RBM47: variants seen among roughly 807,000 people sequenced by gnomAD.
The protein encoded by RBM47 is RNA-binding protein 47.
Under a neutral mutation model 47.1 loss-of-function variants are expected in RBM47, and 21 were observed. The ratio of observed to expected loss-of-function variants is 0.45; its 90% CI spans 0.32 to 0.64. The LOEUF (loss-of-function observed/expected upper bound fraction) is 0.64, where lower values mean the gene tolerates loss of function less well. Among genes scored for constraint, RBM47 ranks in the 30% least tolerant of loss-of-function variants. The probability of loss-of-function intolerance (pLI) is 0.05; values close to 1 mark genes in which losing one functional copy is unlikely to be tolerated. For missense variants in RBM47, 708 were observed against 870.9 expected, an observed-to-expected ratio of 0.81 and a Z score of 2.35; for synonymous variants, 375 against 361.7, an observed-to-expected ratio of 1.04 and a Z score of -0.42.
chr4:40,595,806 G>A (rs1010664235), intron 1 of RBM47, among the ~76,000 whole-genome samples: 2 of 151,952 alleles, frequency 1.3e-5, no homozygotes, highest in Admixed American at 6.6e-5. Flanking sequence ...TTGGGAGGCT[G>A]AGGCAGGAGA....
chr4:40,623,044 T>A (rs1300967761), intron 1 of RBM47, among the ~76,000 whole-genome samples: 1 of 152,230 alleles, frequency 6.6e-6, no homozygotes, highest in East Asian at 1.9e-4. Context: ...AGACCTTTCA[T>A]ACATGACCAG....
intron 1 of RBM47, among the ~76,000 whole-genome samples, chr4:40,623,943 C>G (rs909841275): frequency 3.3e-5 from 5 of 152,050 alleles, no homozygotes; most frequent in African/African-American, 1.2e-4. Flanking sequence ...CCTCCGCCTC[C>G]CGATCTCAAG....
intron 2 of RBM47, among the ~76,000 whole-genome samples, chr4:40,503,719 G>C (rs2154250917): frequency 6.6e-6 from 1 of 152,070 alleles, no homozygotes; most frequent in South Asian, 2.1e-4. Context: ...CCTAAGAGGG[G>C]GGAGAGAAGA....
At chr4:40,478,173 G>A (rs1159849379) in intron 2 of RBM47, among the ~76,000 whole-genome samples, 1 of 151,722 alleles carries the variant, frequency 6.6e-6, no homozygotes, top group African/African-American at 2.4e-5. Flanking sequence ...GCGCCACCAC[G>A]CCCGGATAAT....
intron 1 of RBM47, among the ~76,000 whole-genome samples, chr4:40,554,177 C>T (rs1265795246): frequency 6.6e-6 from 1 of 152,114 alleles, no homozygotes; most frequent in East Asian, 1.9e-4. Flanking sequence ...TTCAACTGAA[C>T]TGTACTTCCT....
intron 1 of RBM47, among the ~76,000 whole-genome samples, chr4:40,613,758 C>A (rs960094138): frequency 9.3e-5 from 14 of 150,786 alleles, no homozygotes; most frequent in Admixed American, 4.6e-4. Context: ...GAGTTCAAGA[C>A]CAGCCTGGAC....
At chr4:40,562,544 C>T (rs1730731550) in intron 1 of RBM47, among the ~76,000 whole-genome samples, 1 of 150,148 alleles carries the variant, frequency 6.7e-6, no homozygotes, top group Admixed American at 6.7e-5. Context: ...CGGCTCACTG[C>T]AACCTCTGCC....
chr4:40,577,539 TA>T (rs544850769), intron 1 of RBM47, among the ~76,000 whole-genome samples: 353 of 140,004 alleles, frequency 2.5e-3, no homozygotes, highest in Middle Eastern at 3.5e-3. Flanking sequence ...AGATTCTGTT[TA>T]AAAAAAAAAA....
intron 2 of RBM47, among the ~76,000 whole-genome samples, chr4:40,535,951 T>C (rs35961399): frequency 6.6e-6 from 1 of 152,046 alleles, no homozygotes; most frequent in Non-Finnish European, 1.5e-5. Flanking sequence ...TCCACCCGCC[T>C]TGGCCTCCCA....
intron 2 of RBM47, among the ~76,000 whole-genome samples, chr4:40,521,531 G>A (rs1726189185): frequency 6.6e-6 from 1 of 152,242 alleles, no homozygotes; most frequent in Non-Finnish European, 1.5e-5. Flanking sequence ...AATTCAAGTA[G>A]ATGTTTTAAA....
intron 1 of RBM47, among the ~76,000 whole-genome samples, chr4:40,612,536 A>G (rs2154279617): frequency 6.6e-6 from 1 of 152,308 alleles, no homozygotes; most frequent in African/African-American, 2.4e-5. Context: ...GAAGAAGTAT[A>G]GCTAGAAATT....
chr4:40,586,416 G>A (rs1202441394), intron 1 of RBM47, among the ~76,000 whole-genome samples: 1 of 151,828 alleles, frequency 6.6e-6, no homozygotes, highest in Non-Finnish European at 1.5e-5. Flanking sequence ...TTTTCTCCTG[G>A]GTGTGGAGTC....
At chr4:40,559,567 AAT>A (rs1730417721) in intron 1 of RBM47, among the ~76,000 whole-genome samples, 3 of 152,218 alleles carry the variant, frequency 2.0e-5, no homozygotes, top group African/African-American at 7.2e-5. Context: ...GTGTTGTTTA[AAT>A]ATAAAAGATT....
intron 1 of RBM47, among the ~76,000 whole-genome samples, chr4:40,625,019 T>C (rs1737613261): frequency 6.6e-6 from 1 of 152,192 alleles, no homozygotes; most frequent in Middle Eastern, 3.4e-3. Context: ...CTGGCTAATT[T>C]TTGTACTTTT....
chr4:40,476,956 C>T (rs1719695309), intron 2 of RBM47, among the ~76,000 whole-genome samples: 1 of 152,126 alleles, frequency 6.6e-6, no homozygotes. Context: ...CAGAATGGGC[C>T]GGGTGTGGTG....
intron 2 of RBM47, among the ~76,000 whole-genome samples, chr4:40,508,868 AAT>A (rs1268286263): frequency 1.3e-5 from 2 of 152,232 alleles, no homozygotes; most frequent in Non-Finnish European, 2.9e-5. Context: ...TATTTAAAAT[AAT>A]ATGTTTTCGG....
chr4:40,571,446 G>A (rs980527965), intron 1 of RBM47, among the ~76,000 whole-genome samples: 3 of 151,864 alleles, frequency 2.0e-5, no homozygotes, highest in Non-Finnish European at 4.4e-5. Context: ...ACTCATACCA[G>A]GATAAGTCCT....
intron 3 of RBM47, among the ~76,000 whole-genome samples, chr4:40,450,186 G>A (rs948075605): frequency 5.9e-5 from 9 of 152,128 alleles, no homozygotes; most frequent in Admixed American, 3.3e-4. Context: ...TGAGGGATCT[G>A]GCAAGGAACA....
intron 3 of RBM47, among the ~76,000 whole-genome samples, chr4:40,457,422 CAA>C (rs35497838): frequency 2.9e-4 from 32 of 111,572 alleles, no homozygotes; most frequent in East Asian, 6.4e-4. Context: ...GACTCCATCT[CAA>C]AAAAAAAAAA....
Sources: allele counts gnomAD v4.1 joint callset (sites outside exome capture counted in the v4.1 genomes callset), GRCh38; gene constraint gnomAD v4.1.1; transcripts MANE v1.5; gene names NCBI Gene and HGNC (gene_info 2026-07-23, HGNC 2026-07-21).